Variants in CPXM2 observed in about 807,000 individuals in gnomAD.
The protein encoded by CPXM2 is carboxypeptidase X, M14 family member 2.
CPXM2 carries 66 observed loss-of-function variants against 86.1 expected under a neutral mutation model. The ratio of observed to expected loss-of-function variants is 0.77; its 90% CI spans 0.63 to 0.94. The LOEUF (loss-of-function observed/expected upper bound fraction) is 0.94. CPXM2 is among the 40% of genes least tolerant of loss of function. The probability of loss-of-function intolerance (pLI) is 0.00; values close to 1 mark genes in which losing one functional copy is unlikely to be tolerated. For synonymous variants in CPXM2, 388 were observed against 400.2 expected, an observed-to-expected ratio of 0.97 and a Z score of 0.36; for missense variants, 948 against 1,026.3, an observed-to-expected ratio of 0.92 and a Z score of 1.04.
intron 4 of CPXM2, among the ~76,000 whole-genome samples, chr10:123,811,190 G>A (rs984501349): frequency 2.7e-5 from 4 of 147,472 alleles, no homozygotes; most frequent in Non-Finnish European, 6.0e-5. Flanking sequence ...GGGTACATGT[G>A]CACAACATGC....
In CPXM2 at chr10:123,762,094, C is replaced by T. The variant is rs772873539; in HGVS notation, c.1555G>A (p.Gly519Ser). The T allele has an allele frequency of 1.4e-5, 23 of 1,613,978 alleles. No homozygotes were observed. The East Asian group carries it at 2.2e-4, about 16-fold the overall frequency. The stretch of plus-strand genomic sequence containing the variant: ...TAGGGGTACGCCACCACCAGCTCGC[C>T]GCCCTGCAGGTTGCCGCCCAGCACA... Reference protein sequence around the residue: ...PFVLGGNLQGGELVVAYPYDL... With the variant: ...PFVLGGNLQGSELVVAYPYDL... The change falls in exon 11 of 14, where the codon GGC becomes AGC. Residue 519 changes from glycine to serine, a missense_variant. Physicochemically the swap from Gly to Ser is moderately conservative, Grantham distance 56. Transcript: ENST00000241305.
Position 123,891,802 on chromosome 10 carries a change from G to C in CPXM2, c.-143C>G. 1 of 375,346 alleles carries C rather than the reference G, an allele frequency of 2.7e-6. No individual in the cohort carries two copies. Among genetic ancestry groups the C allele is most frequent in the East Asian group, 8.6e-5 (1 of 11,650 alleles). The allele number at this position is 375,346 out of a possible 1,614,324, so 23.3% of individuals were successfully genotyped here. On this transcript the variant is annotated 5_prime_UTR_variant, in exon 1 of 14. Coordinates refer to ENST00000241305, the MANE Select transcript of CPXM2 (RefSeq NM_198148.3). The surrounding 1 kb of genome is among the most constrained non-coding windows in gnomAD (Gnocchi z 5.6). ...GCGCGGGAGGCGGCCGGCTGGCTGCGCGTGTGACCGGCCCGCGGGGCTGGG... is the reference window on the plus strand; with the variant it reads ...GCGCGGGAGGCGGCCGGCTGGCTGCCCGTGTGACCGGCCCGCGGGGCTGGG...
At chr10:123,829,307 T>C (rs1848112247) in intron 4 of CPXM2, among the ~76,000 whole-genome samples, 1 of 152,182 alleles carries the variant, frequency 6.6e-6, no homozygotes, top group Non-Finnish European at 1.5e-5. Flanking sequence ...AGGAAACAGT[T>C]TGGCAGTGTC....
chr10:123,766,922 G>GT (rs1564757863), intron 10 of CPXM2, 51 bp downstream of exon 10: 5 of 1,429,184 alleles, frequency 3.5e-6, no homozygotes, highest in Non-Finnish European at 4.9e-6. Context: ...TACCAATGGA[G>GT]GTTAAGCCTT....
intron 13 of CPXM2, among the ~76,000 whole-genome samples, chr10:123,753,409 C>T (rs571265028): frequency 2.0e-5 from 3 of 152,244 alleles, no homozygotes; most frequent in South Asian, 4.2e-4. Context: ...CCTCTGGGAC[C>T]CTGAGGGGCA....
chr10:123,828,601 G>A (rs906055874), intron 4 of CPXM2, among the ~76,000 whole-genome samples: 2 of 152,170 alleles, frequency 1.3e-5, no homozygotes, highest in African/African-American at 4.8e-5. Flanking sequence ...CCAGCCATGT[G>A]GAACTGTGAG....
At chr10:123,875,438 T>C (rs1944966696) in intron 2 of CPXM2, among the ~76,000 whole-genome samples, 2 of 152,186 alleles carry the variant, frequency 1.3e-5, no homozygotes, top group Non-Finnish European at 1.5e-5. Flanking sequence ...CAGTTTATCA[T>C]GTCTACTGTG....
intron 4 of CPXM2, among the ~76,000 whole-genome samples, chr10:123,813,141 T>C (rs1210705741): frequency 6.6e-6 from 1 of 152,240 alleles, no homozygotes; most frequent in Non-Finnish European, 1.5e-5. Flanking sequence ...AAAGATGTTT[T>C]ATAAGTAAAA....
rs77571257 is a variant in CPXM2 at position 123,795,729 on chromosome 10, G to A, written c.889+2247C>T. 1.6e-4 allele frequency among the ~76,000 whole-genome samples: 25 copies of A among 152,232 alleles called. No individual in the cohort carries two copies. In the East Asian group the frequency reaches 4.8e-3, roughly 29 times the overall value. On this transcript the variant is annotated intron_variant, in intron 6 of 13. Transcript: ENST00000241305. Reference sequence around the variant, plus strand: ...AAAAAAAAATGGTCCTCAATATTTGGGGGGTGGAAAATAGAACCATTCTGA... The same window carrying A: ...AAAAAAAAATGGTCCTCAATATTTGAGGGGTGGAAAATAGAACCATTCTGA...
At chr10:123,758,631 C>G (rs530876102) in intron 11 of CPXM2, among the ~76,000 whole-genome samples, 1 of 152,190 alleles carries the variant, frequency 6.6e-6, no homozygotes, top group South Asian at 2.1e-4. Context: ...AGGCCACCAA[C>G]CCGCCCACTA....
rs1308911456 is a variant in CPXM2 at position 123,854,452 on chromosome 10, AT to A, written c.513+8161del. Among the ~76,000 whole-genome samples, 461 of 129,718 alleles carry A rather than the reference AT, an allele frequency of 3.6e-3. 3 individuals are homozygous for A. Among genetic ancestry groups the A allele is most frequent in the African/African-American group, 0.013 (432 of 32,824 alleles). 85.1% of individuals were successfully genotyped at this position (129,718 alleles called of 152,430 possible). A position where few individuals can be genotyped will look rare whatever the true frequency, so the allele number is the denominator to read the frequency against. Reference sequence around the variant, plus strand: ...TATATATAATATACTTTTATATATAATATATATAATATATATTTTATATATA... The same window carrying A: ...TATATATAATATACTTTTATATATAAATATATAATATATATTTTATATATA... On this transcript the variant is annotated intron_variant, in intron 3 of 13. Coordinates refer to ENST00000241305, the MANE Select transcript of CPXM2 (RefSeq NM_198148.3).
intron 3 of CPXM2, among the ~76,000 whole-genome samples, chr10:123,860,029 T>C (rs1194245632): frequency 6.6e-6 from 1 of 152,178 alleles, no homozygotes. Flanking sequence ...GGTGCTATTC[T>C]GCACACCAGG....
upstream of CPXM2, among the ~76,000 whole-genome samples, chr10:123,894,685 G>T (rs1344374234): frequency 6.6e-6 from 1 of 152,142 alleles, no homozygotes; most frequent in African/African-American, 2.4e-5. Flanking sequence ...GCGTTCTTCA[G>T]CTTCTCAGAT....
chr10:123,823,798 T>C (rs1847982942), intron 4 of CPXM2, among the ~76,000 whole-genome samples: 1 of 152,112 alleles, frequency 6.6e-6, no homozygotes, highest in Admixed American at 6.6e-5. Context: ...ACTAAAAGCA[T>C]TTTATTCCAA....
chr10:123,889,111 C>G (rs1945225060), intron 1 of CPXM2, among the ~76,000 whole-genome samples: 1 of 152,212 alleles, frequency 6.6e-6, no homozygotes, highest in South Asian at 2.1e-4. Flanking sequence ...GTGGCAAGAG[C>G]TGTTTCTCCA....
intron 2 of CPXM2, among the ~76,000 whole-genome samples, chr10:123,939,112 C>T (rs1357590790): frequency 2.0e-5 from 3 of 152,198 alleles, no homozygotes; most frequent in Admixed American, 1.3e-4. Context: ...GCAGAGCCAA[C>T]TGTGAGCAGT....
chr10:123,842,041 T>A (rs2134154129), intron 4 of CPXM2, among the ~76,000 whole-genome samples: 1 of 152,338 alleles, frequency 6.6e-6, no homozygotes, highest in Admixed American at 6.5e-5. Context: ...GTCAAGACAC[T>A]AATATCTCGT....
At chr10:123,813,147 TA>T (rs894977579) in intron 4 of CPXM2, among the ~76,000 whole-genome samples, 5 of 152,164 alleles carry the variant, frequency 3.3e-5, no homozygotes, top group Middle Eastern at 6.8e-3. Context: ...GTTTTATAAG[TA>T]AAAAAAATAA....
At chr10:123,873,004 T>C (rs1342666115) in intron 2 of CPXM2, among the ~76,000 whole-genome samples, 1 of 151,342 alleles carries the variant, frequency 6.6e-6, no homozygotes, top group Non-Finnish European at 1.5e-5. Flanking sequence ...AAACTAAAAA[T>C]ATAAAAGCAG....
Sources: allele counts gnomAD v4.1 joint callset (sites outside exome capture counted in the v4.1 genomes callset), GRCh38; gene constraint gnomAD v4.1.1; non-coding constraint Gnocchi (gnomAD v3.1); transcripts MANE v1.5; gene names NCBI Gene and HGNC (gene_info 2026-07-23, HGNC 2026-07-21).